ZNF407: variants seen among roughly 807,000 people sequenced by gnomAD.
The protein encoded by ZNF407 is zinc finger protein 407.
A neutral mutation model predicts 131.2 loss-of-function variants in ZNF407; 17 were observed. That is an observed-to-expected ratio of 0.13 (90% CI 0.09 to 0.19). The LOEUF (loss-of-function observed/expected upper bound fraction) is 0.19, where lower values mean the gene tolerates loss of function less well. ZNF407 is among the 10% of genes least tolerant of loss of function. ZNF407 has a pLI of 1.00. For synonymous variants in ZNF407, 1,156 were observed against 1,062.0 expected, an observed-to-expected ratio of 1.09 and a Z score of -1.72; for missense variants, 2,681 against 2,830.6, an observed-to-expected ratio of 0.95 and a Z score of 1.20.
chr18:74,807,677 T>A (rs1004378783), intron 4 of ZNF407, among the ~76,000 whole-genome samples: 4 of 152,222 alleles, frequency 2.6e-5, no homozygotes, highest in Non-Finnish European at 5.9e-5. Flanking sequence ...GATGATTTGA[T>A]TCCCACCGTC....
intron 4 of ZNF407, among the ~76,000 whole-genome samples, chr18:74,786,841 T>C (rs1372980899): frequency 1.4e-5 from 2 of 145,480 alleles, no homozygotes; most frequent in East Asian, 4.0e-4. Context: ...GTTTCTCTCT[T>C]GTTGCCCAGG....
intron 3 of ZNF407, among the ~76,000 whole-genome samples, chr18:74,681,956 T>A (rs1417200058): frequency 6.6e-6 from 1 of 152,202 alleles, no homozygotes; most frequent in East Asian, 1.9e-4. Context: ...TGGCCTTTCT[T>A]ATGATAGAAC....
At chr18:75,045,786 G>T (rs1973428327) in intron 8 of ZNF407, among the ~76,000 whole-genome samples, 1 of 152,138 alleles carries the variant, frequency 6.6e-6, no homozygotes, top group Non-Finnish European at 1.5e-5. Flanking sequence ...AGGCTATGAG[G>T]CTGGTGGGCT....
At chr18:74,706,047 C>G (rs1216272507) in intron 3 of ZNF407, among the ~76,000 whole-genome samples, 1 of 152,114 alleles carries the variant, frequency 6.6e-6, no homozygotes, top group Non-Finnish European at 1.5e-5. Flanking sequence ...GTCTCTTCCC[C>G]CTTCTTAAGG....
intron 3 of ZNF407, among the ~76,000 whole-genome samples, chr18:74,709,935 T>C (rs970881616): frequency 3.3e-5 from 5 of 152,210 alleles, no homozygotes; most frequent in African/African-American, 1.2e-4. Flanking sequence ...TACACTGAAA[T>C]GTTACCATAT....
intron 8 of ZNF407, among the ~76,000 whole-genome samples, chr18:74,989,810 T>TCC (rs527607918): frequency 2.1e-4 from 31 of 149,470 alleles, no homozygotes; most frequent in Non-Finnish European, 4.0e-4. Flanking sequence ...ACGACTGTAC[T>TCC]CCAGCCTGGG....
At chr18:74,750,537 G>A (rs1968776637) in intron 3 of ZNF407, among the ~76,000 whole-genome samples, 4 of 152,142 alleles carry the variant, frequency 2.6e-5, no homozygotes, top group South Asian at 4.1e-4. Context: ...GTCATAGCAT[G>A]CATCAGTGCT....
intron 8 of ZNF407, among the ~76,000 whole-genome samples, chr18:74,969,799 TA>T (rs1972451528): frequency 6.6e-6 from 1 of 152,308 alleles, no homozygotes; most frequent in East Asian, 1.9e-4. Context: ...AGGCACTTGT[TA>T]TTGATGGTTT....
At chr18:74,619,392 A>T (rs1469254848) in intron 1 of ZNF407, among the ~76,000 whole-genome samples, 1 of 152,206 alleles carries the variant, frequency 6.6e-6, no homozygotes, top group East Asian at 1.9e-4. Flanking sequence ...TTTTCACTGT[A>T]AATTTATTAT....
intron 3 of ZNF407, among the ~76,000 whole-genome samples, chr18:74,681,277 C>G (rs1966976250): frequency 6.6e-6 from 1 of 151,868 alleles, no homozygotes; most frequent in South Asian, 2.1e-4. Flanking sequence ...CCTCTGTCAC[C>G]CAGGCTGAAG....
At chr18:74,831,700 C>G (rs899845005) in intron 4 of ZNF407, among the ~76,000 whole-genome samples, 28 of 152,286 alleles carry the variant, frequency 1.8e-4, no homozygotes, top group African/African-American at 5.5e-4. Flanking sequence ...TTGGCCAATG[C>G]GAATGATGCT....
At chr18:74,929,174 A>T (rs1971951465) in intron 8 of ZNF407, among the ~76,000 whole-genome samples, 1 of 152,162 alleles carries the variant, frequency 6.6e-6, no homozygotes, top group African/African-American at 2.4e-5. Flanking sequence ...TTTCCAGAAA[A>T]AAACTATATT....
chr18:75,021,432 G>A (rs115291591), intron 8 of ZNF407, among the ~76,000 whole-genome samples: 1,745 of 151,882 alleles, frequency 0.011, 39 homozygotes, highest in African/African-American at 0.039. Flanking sequence ...ACAGCACCTG[G>A]CTAATTTTTT....
chr18:74,849,951 G>A (rs1029726183), intron 4 of ZNF407, among the ~76,000 whole-genome samples: 1 of 152,144 alleles, frequency 6.6e-6, no homozygotes, highest in Non-Finnish European at 1.5e-5. Context: ...ATTTTCATAA[G>A]GAGGCTAATC....
chr18:74,646,666 A>C (rs1984988193), intron 3 of ZNF407, among the ~76,000 whole-genome samples: 2 of 152,180 alleles, frequency 1.3e-5, no homozygotes, highest in African/African-American at 4.8e-5. Flanking sequence ...GATTTTTAAA[A>C]CTGTACAAAT....
intron 3 of ZNF407, among the ~76,000 whole-genome samples, chr18:74,717,729 A>G (rs1278569194): frequency 6.6e-6 from 1 of 152,224 alleles, no homozygotes; most frequent in Non-Finnish European, 1.5e-5. Context: ...AATGCTTTGG[A>G]CCAGATGTGT....
chr18:74,984,092 A>T (rs1972624738), intron 8 of ZNF407, among the ~76,000 whole-genome samples: 1 of 152,224 alleles, frequency 6.6e-6, no homozygotes. Context: ...AGAAAATCAA[A>T]TTGACTTTAG....
intron 4 of ZNF407, among the ~76,000 whole-genome samples, chr18:74,843,281 A>G (rs957930997): frequency 1.2e-4 from 18 of 152,214 alleles, no homozygotes; most frequent in African/African-American, 4.1e-4. Context: ...ATTTATATAA[A>G]TAAAACATAT....
At chr18:74,755,178 C>CT (rs1555683946) in intron 3 of ZNF407, among the ~76,000 whole-genome samples, 23 of 150,268 alleles carry the variant, frequency 1.5e-4, no homozygotes, top group Admixed American at 4.0e-4. Flanking sequence ...CAACCCCCTG[C>CT]TTTTTTTTTG....
Sources: allele counts gnomAD v4.1 joint callset (sites outside exome capture counted in the v4.1 genomes callset), GRCh38; gene constraint gnomAD v4.1.1; transcripts MANE v1.5; gene names NCBI Gene and HGNC (gene_info 2026-07-23, HGNC 2026-07-21).